CNTNAP2: variants seen among roughly 807,000 people sequenced by gnomAD.
The protein encoded by CNTNAP2 is contactin-associated protein-like 2.
In CNTNAP2, 98 loss-of-function variants were observed where a neutral mutation model predicts 155.2. The observed-to-expected ratio is 0.63, with a 90% CI of 0.54 to 0.75. The LOEUF is 0.75. Among genes scored for constraint, CNTNAP2 ranks in the 30% least tolerant of loss-of-function variants. CNTNAP2 has a pLI of 0.00. For missense variants in CNTNAP2, 1,727 were observed against 1,688.1 expected, an observed-to-expected ratio of 1.02 and a Z score of -0.40; for synonymous variants, 651 against 631.2, an observed-to-expected ratio of 1.03 and a Z score of -0.47.
intron 3 of CNTNAP2, among the ~76,000 whole-genome samples, chr7:147,029,049 C>T (rs997139379): frequency 5.4e-5 from 8 of 149,412 alleles, no homozygotes; most frequent in African/African-American, 1.5e-4. Context: ...CTGCAAGCTC[C>T]GCCTCTCGGG....
At chr7:147,636,459 A>G (rs897072467) in intron 12 of CNTNAP2, among the ~76,000 whole-genome samples, 1 of 152,008 alleles carries the variant, frequency 6.6e-6, no homozygotes, top group African/African-American at 2.4e-5. Flanking sequence ...AAGTTCTTGG[A>G]TACATGTGCA....
At position 147,282,540 on chromosome 7, in the gene CNTNAP2, A is replaced by C. The variant is rs532553891; in HGVS notation, c.1349-17601A>C. 6.6e-5 allele frequency among the ~76,000 whole-genome samples: 10 copies of C among 151,970 alleles called. No individual in the cohort carries two copies. In the East Asian group the frequency reaches 7.7e-4, roughly 12 times the overall value. Reference sequence around the variant, plus strand: ...CTGGTTATACTTTTTAGTCTAAGGCATACAGAGATGGTGAATTTAAGAAGA... The same window carrying C: ...CTGGTTATACTTTTTAGTCTAAGGCCTACAGAGATGGTGAATTTAAGAAGA... On this transcript the variant is annotated intron_variant, in intron 8 of 23. Transcript: ENST00000361727.
At chr7:147,410,868 GT>G (rs1563194444) in intron 10 of CNTNAP2, among the ~76,000 whole-genome samples, 4 of 152,170 alleles carry the variant, frequency 2.6e-5, no homozygotes, top group African/African-American at 9.7e-5. Flanking sequence ...TGGCTCACAA[GT>G]TATTAATATT....
chr7:148,218,164 ATAAATACATTCAC>A (rs1795680468), intron 19 of CNTNAP2, among the ~76,000 whole-genome samples: 1 of 152,242 alleles, frequency 6.6e-6, no homozygotes, highest in Admixed American at 6.5e-5. Context: ...CTAATAAAAC[ATAAATACATTCAC>A]TAAATGTGCT....
chr7:147,538,316 G>A (rs1267538874), intron 11 of CNTNAP2, among the ~76,000 whole-genome samples: 1 of 152,126 alleles, frequency 6.6e-6, no homozygotes, highest in Admixed American at 6.6e-5. Flanking sequence ...CTCCTAGAGT[G>A]ATAGTAGCCC....
intron 22 of CNTNAP2, among the ~76,000 whole-genome samples, chr7:148,406,486 A>T (rs1451667820): frequency 6.6e-6 from 1 of 152,168 alleles, no homozygotes; most frequent in Non-Finnish European, 1.5e-5. Context: ...ACCCAAGCCA[A>T]ACTGTCTGCA....
chr7:148,118,157 C>G lies in CNTNAP2; in HGVS notation c.2423C>G (p.Ser808Cys). 1 of 1,614,188 alleles carries G rather than the reference C, an allele frequency of 6.2e-7. No homozygotes were observed. The highest frequency in any genetic ancestry group is 8.5e-7 in the Non-Finnish European group (1 of 1,180,036). ...WNAASFPNPS[S>C]YLHFSTFQGE... is the part of the protein sequence containing the mutation. ...GCCGCCTCTTTCCCAAACCCATCCT[C>G]CTACCTGCACTTCTCTACTTTCCAA... The change falls in exon 16 of 24, where the codon TCC becomes TGC. Residue 808 changes from serine to cysteine, a missense_variant. Physicochemically the swap from Ser to Cys is moderately radical, Grantham distance 112. Transcript: ENST00000361727.
intron 1 of CNTNAP2, among the ~76,000 whole-genome samples, chr7:146,466,709 C>T (rs766184756): frequency 5.3e-5 from 8 of 152,100 alleles, no homozygotes; most frequent in Non-Finnish European, 8.8e-5. Context: ...TGAAATTGCT[C>T]ATAATTGTTT....
rs375209656 is a variant in CNTNAP2 at position 146,396,152 on chromosome 7, C to T, written c.97+279179C>T. On this transcript the variant is annotated intron_variant, in intron 1 of 23. Coordinates refer to ENST00000361727, the MANE Select transcript of CNTNAP2 (RefSeq NM_014141.6). ...TGTATTAAATAATATTTCTACTGCT[C>T]AGTTTTCTGGGGAAAATAGTGTTTA... Among the ~76,000 whole-genome samples, 14 of 152,154 alleles carry T rather than the reference C, an allele frequency of 9.2e-5. No homozygotes were observed. The East Asian group carries it at 9.7e-4, about 10-fold the overall frequency.
chr7:146,269,338 CA>C (rs1305847849), intron 1 of CNTNAP2, among the ~76,000 whole-genome samples: 7 of 145,908 alleles, frequency 4.8e-5, no homozygotes, highest in Non-Finnish European at 1.0e-4. Context: ...GACTCCATCT[CA>C]AATCAATCAA....
chr7:147,109,502 G>A (rs1800831511), intron 5 of CNTNAP2, among the ~76,000 whole-genome samples: 1 of 152,120 alleles, frequency 6.6e-6, no homozygotes, highest in South Asian at 2.1e-4. Flanking sequence ...GTTGATATAT[G>A]AGACTGAGAG....
intron 10 of CNTNAP2, among the ~76,000 whole-genome samples, chr7:147,425,754 C>T (rs1018440593): frequency 7.2e-5 from 11 of 152,064 alleles, no homozygotes; most frequent in African/African-American, 2.7e-4. Context: ...TTTTTTTGAA[C>T]TTCTTGTCAG....
chr7:146,963,176 A>C (rs1797588099), intron 3 of CNTNAP2: 1 of 152,354 alleles, frequency 6.6e-6, no homozygotes, highest in South Asian at 2.1e-4. Flanking sequence ...TTCTAAATAA[A>C]GAATTCAAAT....
chr7:146,709,198 T>A (rs1162735974), intron 1 of CNTNAP2, among the ~76,000 whole-genome samples: 1 of 151,362 alleles, frequency 6.6e-6, no homozygotes, highest in African/African-American at 2.5e-5. Context: ...AAATTCCATT[T>A]TTTTAAGAGA....
chr7:147,692,294 T>A (rs1796098259), intron 13 of CNTNAP2, among the ~76,000 whole-genome samples: 1 of 152,168 alleles, frequency 6.6e-6, no homozygotes, highest in Non-Finnish European at 1.5e-5. Flanking sequence ...CTGGCAATTA[T>A]GAATGAAGTT....
chr7:146,854,337 T>C (rs968578602), intron 3 of CNTNAP2, among the ~76,000 whole-genome samples: 11 of 152,374 alleles, frequency 7.2e-5, no homozygotes, highest in African/African-American at 2.4e-4. Flanking sequence ...CTTACACTTG[T>C]GCAAATGCAT....
intron 8 of CNTNAP2, among the ~76,000 whole-genome samples, chr7:147,267,420 A>G (rs1804637560): frequency 6.6e-6 from 1 of 152,124 alleles, no homozygotes; most frequent in South Asian, 2.1e-4. Context: ...AATTAATTTA[A>G]CTTTGATGGT....
intron 1 of CNTNAP2, among the ~76,000 whole-genome samples, chr7:146,579,626 A>G (rs1003374931): frequency 1.3e-5 from 2 of 152,116 alleles, no homozygotes; most frequent in African/African-American, 4.8e-5. Context: ...TCACTCATTG[A>G]AAGATATGTA....
At position 148,092,648 on chromosome 7, in the gene CNTNAP2, G is replaced by A. The variant is rs1055416178; in HGVS notation, c.2384-25470G>A. ...TTACTGTGATTTAAAAATCCTCCAT[G>A]GTGAGCATGCCCAGCTTTTGTTCTC... On this transcript the variant is annotated intron_variant, in intron 15 of 23. Coordinates refer to ENST00000361727, the MANE Select transcript of CNTNAP2 (RefSeq NM_014141.6). Among the ~76,000 whole-genome samples the A allele has an allele frequency of 5.9e-5, 9 of 152,060 alleles. No homozygotes were observed. The South Asian group carries it at 1.7e-3, about 28-fold the overall frequency.
Sources: allele counts gnomAD v4.1 joint callset (sites outside exome capture counted in the v4.1 genomes callset), GRCh38; gene constraint gnomAD v4.1.1; transcripts MANE v1.5; gene names NCBI Gene and HGNC (gene_info 2026-07-23, HGNC 2026-07-21).